The following PSMB7 variants were observed in gnomAD, a reference collection of about 807,000 sequenced individuals.
PSMB7 encodes the protein proteasome subunit beta type-7.
A neutral mutation model predicts 28.1 loss-of-function variants in PSMB7; 5 were observed. The ratio of observed to expected loss-of-function variants is 0.18; its 90% CI spans 0.09 to 0.37. The LOEUF (loss-of-function observed/expected upper bound fraction) is 0.37, where lower values mean the gene tolerates loss of function less well. PSMB7 is among the 10% of genes least tolerant of loss of function. The pLI is 1.00. For missense variants in PSMB7, 275 were observed against 346.2 expected, an observed-to-expected ratio of 0.79 and a Z score of 1.63; for synonymous variants, 122 against 123.7, an observed-to-expected ratio of 0.99 and a Z score of 0.09.
At chr9:124,404,456 T>C (rs946836384) in intron 5 of PSMB7, among the ~76,000 whole-genome samples, 1 of 152,174 alleles carries the variant, frequency 6.6e-6, no homozygotes, top group African/African-American at 2.4e-5. Flanking sequence ...TTATCCAAAA[T>C]GCCAGGGACC....
chr9:124,374,896 C>T (rs1472694285), intron 6 of PSMB7, among the ~76,000 whole-genome samples: 2 of 152,134 alleles, frequency 1.3e-5, no homozygotes, highest in Non-Finnish European at 2.9e-5. Flanking sequence ...AATCCCAGCA[C>T]TTTAGGAGGC....
At chr9:124,366,730 AT>A (rs1830511974) in intron 6 of PSMB7, among the ~76,000 whole-genome samples, 1 of 152,180 alleles carries the variant, frequency 6.6e-6, no homozygotes, top group African/African-American at 2.4e-5. Context: ...CAGATACACC[AT>A]TTTTTATCTC....
At chr9:124,402,735 A>G (rs1276226710) in intron 5 of PSMB7, among the ~76,000 whole-genome samples, 1 of 152,248 alleles carries the variant, frequency 6.6e-6, no homozygotes, top group East Asian at 1.9e-4. Flanking sequence ...ACTTAATAGA[A>G]AAGGTTATTC....
intron 5 of PSMB7, among the ~76,000 whole-genome samples, chr9:124,388,531 C>T (rs1023746527): frequency 2.0e-4 from 30 of 152,218 alleles, no homozygotes; most frequent in African/African-American, 7.2e-4. Context: ...TGTGAGAAAG[C>T]TCCTTGTCTA....
intron 5 of PSMB7, among the ~76,000 whole-genome samples, chr9:124,396,289 T>C (rs1456368781): frequency 6.6e-6 from 1 of 152,010 alleles, no homozygotes; most frequent in Non-Finnish European, 1.5e-5. Flanking sequence ...ACAGAAAAGG[T>C]TGTACTTTAG....
intron 4 of PSMB7, among the ~76,000 whole-genome samples, chr9:124,406,342 A>G (rs990850582): frequency 2.6e-4 from 39 of 151,990 alleles, no homozygotes; most frequent in African/African-American, 9.2e-4. Flanking sequence ...GTCTACAAAA[A>G]ATACAAAAAA....
In PSMB7 at chr9:124,374,179, A is replaced by C. The variant is rs139438297; in HGVS notation, c.570+10419T>G. Among the ~76,000 whole-genome samples, 35 of 152,358 alleles carry C rather than the reference A, an allele frequency of 2.3e-4. No individual in the cohort carries two copies. The East Asian group carries it at 6.6e-3, about 29-fold the overall frequency. The stretch of plus-strand genomic sequence containing the variant: ...ATTACATTTACATGAAATGTCCAGA[A>C]TAGGCAAGTGTACAGAGATAGTGGA... On this transcript the variant is annotated intron_variant, in intron 6 of 7. Transcript: ENST00000259457.
intron 7 of PSMB7, among the ~76,000 whole-genome samples, chr9:124,353,975 C>T (rs1232383256): frequency 6.6e-6 from 1 of 152,150 alleles, no homozygotes; most frequent in Non-Finnish European, 1.5e-5. Context: ...CCCCACCCCA[C>T]CATCCCCACA....
intron 5 of PSMB7, among the ~76,000 whole-genome samples, chr9:124,390,312 T>C (rs751722089): frequency 1.6e-4 from 25 of 152,102 alleles, no homozygotes; most frequent in Non-Finnish European, 3.4e-4. Flanking sequence ...CATACAGCTA[T>C]ACATACCCAC....
chr9:124,405,100 C>T (rs1176849977), intron 5 of PSMB7, among the ~76,000 whole-genome samples: 1 of 152,004 alleles, frequency 6.6e-6, no homozygotes, highest in Non-Finnish European at 1.5e-5. Context: ...AATACAAAAT[C>T]CTCGAGAGCA....
At chr9:124,413,153 CAAAAAAAAAAA>C (rs61132576) in intron 3 of PSMB7, among the ~76,000 whole-genome samples, 3 of 47,230 alleles carry the variant, frequency 6.4e-5, no homozygotes, top group Non-Finnish European at 1.1e-4. Flanking sequence ...GCATCTCTCC[CAAAAAAAAAAA>C]AAAAAAAAAA....
intron 5 of PSMB7, among the ~76,000 whole-genome samples, chr9:124,389,592 C>T (rs3758206): frequency 0.39 from 58,724 of 151,718 alleles, 11,605 homozygotes; most frequent in Non-Finnish European, 0.43. Context: ...ACCAAGAAGC[C>T]GGGCTGTGGA....
chr9:124,392,379 C>T (rs141668301), intron 5 of PSMB7, among the ~76,000 whole-genome samples: 32 of 152,310 alleles, frequency 2.1e-4, no homozygotes, highest in Non-Finnish European at 3.5e-4. Context: ...ACTCCGAGCT[C>T]TGCAAAGCTG....
At chr9:124,406,501 A>G in intron 4 of PSMB7, among the ~76,000 whole-genome samples, 1 of 149,984 alleles carries the variant, frequency 6.7e-6, no homozygotes, top group South Asian at 2.1e-4. Flanking sequence ...TTGTCTCAAA[A>G]AAAAAAAAAA....
At chr9:124,376,963 A>G (rs1830616746) in intron 6 of PSMB7, among the ~76,000 whole-genome samples, 1 of 152,208 alleles carries the variant, frequency 6.6e-6, no homozygotes, top group Non-Finnish European at 1.5e-5. Context: ...TGACCACCAC[A>G]TATGCCTGTC....
chr9:124,413,373 G>C (rs1407904770), intron 3 of PSMB7, among the ~76,000 whole-genome samples: 1 of 151,812 alleles, frequency 6.6e-6, no homozygotes, highest in African/African-American at 2.4e-5. Context: ...CGCTTGAAGG[G>C]TAGGCTTTCT....
rs111871246 is a variant in PSMB7, at chr9:124,369,545, T to G, written c.571-12630A>C. On this transcript the variant is annotated intron_variant, in intron 6 of 7. Transcript: ENST00000259457. ...AAATATTCACATGCAGGGACAGGGATGCTAAGCTCCGGCCTTATCTCACAT... is the reference window on the plus strand; with the variant it reads ...AAATATTCACATGCAGGGACAGGGAGGCTAAGCTCCGGCCTTATCTCACAT... 7.3e-3 allele frequency among the ~76,000 whole-genome samples: 1,111 copies of G among 152,276 alleles called. 14 individuals carry two copies. Among genetic ancestry groups the G allele is most frequent in the African/African-American group, 0.025 (1,056 of 41,534 alleles).
At position 124,382,937 on chromosome 9, in the gene PSMB7, G is replaced by C. The variant is rs187655720; in HGVS notation, c.570+1661C>G. Among the ~76,000 whole-genome samples, 6 of 152,226 alleles carry C rather than the reference G, an allele frequency of 3.9e-5. No homozygotes were observed. In the East Asian group the frequency reaches 1.2e-3, roughly 29 times the overall value. The stretch of plus-strand genomic sequence containing the variant: ...AACATACGGAAGTCCCAATCAACTG[G>C]AGATAGACAAAGCTTTCAGGAAGAT... On this transcript the variant is annotated intron_variant, in intron 6 of 7. Transcript: ENST00000259457.
chr9:124,405,250 C>T (rs1421697909), intron 5 of PSMB7, 67 bp downstream of exon 5: 1 of 1,098,038 alleles, frequency 9.1e-7, no homozygotes, highest in Non-Finnish European at 1.4e-6. Flanking sequence ...GAAAACAGAC[C>T]AGCTCTTCAA....
Sources: gnomAD v4.1 joint callset for allele counts (sites outside exome capture counted in the v4.1 genomes callset) on GRCh38, gnomAD v4.1.1 for gene constraint, MANE v1.5 for transcripts, NCBI Gene and HGNC (gene_info 2026-07-23, HGNC 2026-07-21) for gene names.